CFH: variants seen among roughly 807,000 people sequenced by gnomAD.
The protein encoded by CFH is complement factor H.
In CFH, 53 loss-of-function variants were observed where a neutral mutation model predicts 147.3. The ratio of observed to expected loss-of-function variants is 0.36; its 90% CI spans 0.29 to 0.45. The LOEUF (loss-of-function observed/expected upper bound fraction) is 0.45, where lower values mean the gene tolerates loss of function less well. Ranked by LOEUF, CFH falls within the 20% of genes least tolerant of loss-of-function variation. CFH has a pLI of 1.00. For synonymous variants in CFH, 536 were observed against 489.4 expected (o/e 1.10, Z -1.26); for missense variants, 1,380 against 1,498.0 (o/e 0.92, Z 1.30).
chr1:196,677,832 C>T, intron 5 of CFH, 165 bp downstream of exon 5: 1 of 649,210 alleles, frequency 1.5e-6, no homozygotes, highest in South Asian at 1.8e-5. Flanking sequence ...TGCATCATTT[C>T]ATTTTAACTT....
chr1:196,679,566 TG>T, intron 5 of CFH, 56 bp from the exon 6 acceptor site: 1 of 1,286,004 alleles, frequency 7.8e-7, no homozygotes, highest in Admixed American at 1.7e-5. Flanking sequence ...AATTATGTCC[TG>T]GTCACAGTCC....
chr1:196,707,665 G>C (rs1349786809), intron 9 of CFH, among the ~76,000 whole-genome samples: 1 of 152,156 alleles, frequency 6.6e-6, no homozygotes, highest in Non-Finnish European at 1.5e-5. Flanking sequence ...GAAATGTAGA[G>C]AGGCCACTTC....
chr1:196,711,810 GT>G (rs1668729250), intron 9 of CFH, among the ~76,000 whole-genome samples: 1 of 151,966 alleles, frequency 6.6e-6, no homozygotes, highest in Admixed American at 6.6e-5. Context: ...CTCTGGTAGT[GT>G]TCTTCATCTG....
chr1:196,694,325 G>A (rs1245810607), intron 9 of CFH, among the ~76,000 whole-genome samples: 2 of 152,132 alleles, frequency 1.3e-5, no homozygotes, highest in Non-Finnish European at 2.9e-5. Flanking sequence ...TCCCTGCAAA[G>A]GACACGAACT....
At chr1:196,731,888 C>T (rs149403976) in intron 15 of CFH, among the ~76,000 whole-genome samples, 2,105 of 152,006 alleles carry the variant, frequency 0.014, 23 homozygotes, top group Non-Finnish European at 0.023. Context: ...TTTTATGTAA[C>T]CATTCACTTT....
intron 4 of CFH, among the ~76,000 whole-genome samples, chr1:196,676,346 G>A (rs192506373): frequency 2.9e-4 from 44 of 151,886 alleles, no homozygotes; most frequent in African/African-American, 4.8e-4. Context: ...GACTAGAAAC[G>A]CATATAAGCA....
rs748464244 is a variant in CFH at position 196,747,276 on chromosome 1, A to G, written c.3659A>G (p.Asp1220Gly). The G allele has an allele frequency of 5.0e-6, 8 of 1,613,938 alleles. No homozygotes were observed. The highest frequency in any genetic ancestry group is 6.8e-6 in the Non-Finnish European group (8 of 1,179,984). ...CACACATTGCGAACAACATGTTGGG[A>G]TGGGAAACTGGAGTATCCAACTTGT... ...RSHTLRTTCW[D>G]GKLEYPTCAK... Residue 1220 changes from aspartate (D) to glycine (G), a missense_variant, in exon 22 of 22, where the codon GAT (aspartate) becomes GGT (glycine). Asp to Gly is a moderately conservative substitution (Grantham distance 94). This residue lies in a region of CFH where 123 missense variants were observed against 185.3 expected (regional missense o/e 0.66). Coordinates refer to ENST00000367429, the MANE Select transcript of CFH (RefSeq NM_000186.4).
At chr1:196,671,252 T>C (rs1402980469) in intron 1 of CFH, among the ~76,000 whole-genome samples, 1 of 152,158 alleles carries the variant, frequency 6.6e-6, no homozygotes, top group Non-Finnish European at 1.5e-5. Flanking sequence ...GACCTAACAC[T>C]AATTCTAACA....
At chr1:196,655,272 G>A (rs541900527) in intron 1 of CFH, among the ~76,000 whole-genome samples, 34 of 152,272 alleles carry the variant, frequency 2.2e-4, no homozygotes, top group African/African-American at 7.9e-4. Context: ...AGGTAGGACA[G>A]ATCTGCTGGT....
At chr1:196,704,658 A>T (rs758289784) in intron 9 of CFH, among the ~76,000 whole-genome samples, 1 of 152,188 alleles carries the variant, frequency 6.6e-6, no homozygotes, top group Non-Finnish European at 1.5e-5. Flanking sequence ...GGCGCTGCCA[A>T]ATCTAAAGCA....
At chr1:196,736,567 GA>G (rs1363551949) in intron 15 of CFH, among the ~76,000 whole-genome samples, 1 of 151,594 alleles carries the variant, frequency 6.6e-6, no homozygotes, top group Non-Finnish European at 1.5e-5. Context: ...AAGAATATAT[GA>G]AAAAACTACA....
chr1:196,736,938 A>G lies in CFH; in HGVS notation c.2528A>G (p.Tyr843Cys), dbSNP rs1669418478. 6.2e-7 allele frequency: 1 copy of G among 1,612,104 alleles called. No homozygotes were observed. Among genetic ancestry groups the G allele is most frequent in the Non-Finnish European group, 8.5e-7 (1 of 1,178,704 alleles). ...GTATCTGTTCTTTGCCAAGAAAATT[A>G]TCTAATTCAGGAAGGAGAAGAAATT... ...EKVSVLCQEN[Y>C]LIQEGEEITC... is the part of the protein sequence containing the mutation. The change falls in exon 16 of 22, where the codon TAT (tyrosine) becomes TGT (cysteine). Residue 843 changes from tyrosine to cysteine, a missense_variant. Transcript: ENST00000367429.
At chr1:196,716,300 C>T (rs915821100) in intron 11 of CFH, among the ~76,000 whole-genome samples, 1 of 151,736 alleles carries the variant, frequency 6.6e-6, no homozygotes, top group African/African-American at 2.4e-5. Context: ...CAGAGTGTTC[C>T]AAGGCAAAGA....
chr1:196,745,708 C>T, intron 20 of CFH, 109 bp from the exon 21 acceptor site: 1 of 1,485,138 alleles, frequency 6.7e-7, no homozygotes, highest in Non-Finnish European at 9.4e-7. Context: ...CACCAGAAAT[C>T]ACAAAACTGT....
intron 1 of CFH, among the ~76,000 whole-genome samples, chr1:196,653,815 A>G (rs987551813): frequency 3.9e-5 from 6 of 152,088 alleles, no homozygotes; most frequent in Admixed American, 1.3e-4. Flanking sequence ...TCGGCACTAT[A>G]TATGTTATGG....
intron 8 of CFH, among the ~76,000 whole-genome samples, chr1:196,689,830 ATATAATT>A (rs1425841871): frequency 1.3e-5 from 2 of 152,128 alleles, no homozygotes; most frequent in Non-Finnish European, 2.9e-5. Context: ...GAGAATATCT[ATATAATT>A]TATACATCTA....
chr1:196,730,691 A>G (rs894754265), intron 15 of CFH, among the ~76,000 whole-genome samples: 5 of 151,682 alleles, frequency 3.3e-5, no homozygotes, highest in African/African-American at 1.2e-4. Flanking sequence ...ATCCCCTACT[A>G]TTACTGTGTT....
intron 1 of CFH, among the ~76,000 whole-genome samples, chr1:196,662,881 T>G (rs1283465925): frequency 6.9e-6 from 1 of 144,768 alleles, no homozygotes; most frequent in East Asian, 2.0e-4. Context: ...TGTCAAAAAA[T>G]AAAATAAAAT....
chr1:196,730,052 G>C (rs187927113), intron 15 of CFH, among the ~76,000 whole-genome samples: 1 of 150,850 alleles, frequency 6.6e-6, no homozygotes, highest in Non-Finnish European at 1.5e-5. Flanking sequence ...TTGATATTTT[G>C]TACTGCTTTG....
Sources: gnomAD v4.1 joint callset for allele counts (sites outside exome capture counted in the v4.1 genomes callset) on GRCh38, gnomAD v4.1.1 for gene constraint, gnomAD v4.1.1 regional missense constraint, MANE v1.5 for transcripts, NCBI Gene and HGNC (gene_info 2026-07-23, HGNC 2026-07-21) for gene names.